The following LANCL2 variants were observed in gnomAD, a reference collection of about 807,000 sequenced individuals.
LANCL2 encodes LanC like glutathione S-transferase 2.
In LANCL2, 33 loss-of-function variants were observed where a neutral mutation model predicts 56.9. The ratio of observed to expected loss-of-function variants is 0.58; its 90% CI spans 0.44 to 0.78. LANCL2 has a LOEUF of 0.78. Among genes scored for constraint, LANCL2 ranks in the 30% least tolerant of loss-of-function variants. The probability of loss-of-function intolerance (pLI) is 0.00; values close to 1 mark genes in which losing one functional copy is unlikely to be tolerated. For synonymous variants in LANCL2, 233 were observed against 228.2 expected (o/e 1.02, Z -0.19); for missense variants, 562 against 580.2 (o/e 0.97, Z 0.32).
intron 8 of LANCL2, among the ~76,000 whole-genome samples, 160 bp from the exon 9 acceptor site, chr7:55,431,066 T>C (rs951617943): frequency 6.6e-6 from 1 of 152,230 alleles, no homozygotes; most frequent in Admixed American, 6.5e-5. Flanking sequence ...TGCCAGGTGC[T>C]AAATATAAGG....
In LANCL2 at chr7:55,417,978, C is replaced by G. The variant is rs184345945; in HGVS notation, c.1008+5889C>G. Among the ~76,000 whole-genome samples the G allele has an allele frequency of 1.8e-3, 273 of 152,150 alleles. 3 individuals are homozygous for G. The highest frequency in any genetic ancestry group is 0.011 in the East Asian group (57 of 5,164). On this transcript the variant is annotated intron_variant, in intron 6 of 8. Transcript: ENST00000254770. ...TACAGGCATGAGCCACTGTGCCTGG[C>G]CAGAACTGACATCTTAATAATGTTG...
chr7:55,365,874 C>A lies in LANCL2; in HGVS notation c.-152C>A. 5.5e-6 allele frequency: 3 copies of A among 544,510 alleles called. No homozygotes were observed. In the East Asian group the frequency reaches 1.0e-4, roughly 19 times the overall value. The allele number at this position is 544,510 out of a possible 1,614,324, so 33.7% of individuals were successfully genotyped here. On this transcript the variant is annotated 5_prime_UTR_variant, in exon 1 of 9. Coordinates refer to ENST00000254770, the MANE Select transcript of LANCL2 (RefSeq NM_018697.4). Reference sequence around the variant, plus strand: ...GAGCAGCCCGCGACGAGGCAGTGCACGCTCAGACGCCCCGCTCCTCCCGCC... The same window carrying A: ...GAGCAGCCCGCGACGAGGCAGTGCAAGCTCAGACGCCCCGCTCCTCCCGCC...
At chr7:55,366,829 G>A (rs1452118891) in intron 1 of LANCL2, among the ~76,000 whole-genome samples, 1 of 152,206 alleles carries the variant, frequency 6.6e-6, no homozygotes, top group Non-Finnish European at 1.5e-5. Flanking sequence ...AAGACACAAA[G>A]AAATGGCAAA....
chr7:55,416,514 C>T (rs1283313580), intron 6 of LANCL2, among the ~76,000 whole-genome samples: 1 of 152,178 alleles, frequency 6.6e-6, no homozygotes, highest in Non-Finnish European at 1.5e-5. Flanking sequence ...CTCGTGGACT[C>T]AAGCAATCTT....
chr7:55,407,400 A>G (rs1790420750), intron 5 of LANCL2, among the ~76,000 whole-genome samples: 1 of 152,240 alleles, frequency 6.6e-6, no homozygotes, highest in Non-Finnish European at 1.5e-5. Flanking sequence ...AGAAACAAGT[A>G]GCTCAGATAA....
intron 1 of LANCL2, among the ~76,000 whole-genome samples, chr7:55,374,394 T>C (rs1393848987): frequency 6.6e-6 from 1 of 152,240 alleles, no homozygotes; most frequent in African/African-American, 2.4e-5. Flanking sequence ...TGACTATTTT[T>C]AGCAGAATGA....
At position 55,431,560 on chromosome 7, in the gene LANCL2, GT is replaced by G. The variant is rs1379182880; in HGVS notation, c.*243del. ...CTGTAGTGTTTGCATGTTTCTTGGT[GT>G]TTGTTGTCTCCAGGTGTAAGCTGTT... On this transcript the variant is annotated 3_prime_UTR_variant, in exon 9 of 9. Transcript: ENST00000254770. 1 of 447,950 alleles carries G rather than the reference GT, an allele frequency of 2.2e-6. No homozygotes were observed. Among genetic ancestry groups the G allele is most frequent in the African/African-American group, 2.0e-5 (1 of 49,986 alleles). 27.7% of individuals were successfully genotyped at this position (447,950 alleles called of 1,614,324 possible).
At chr7:55,385,346 G>A (rs1790113314) in intron 1 of LANCL2, among the ~76,000 whole-genome samples, 1 of 152,180 alleles carries the variant, frequency 6.6e-6, no homozygotes, top group Admixed American at 6.5e-5. Flanking sequence ...TTGCAAGGAG[G>A]TGACAGGCCA....
chr7:55,428,129 G>A (rs772103402), intron 7 of LANCL2: 11 of 560,092 alleles, frequency 2.0e-5, no homozygotes, highest in Middle Eastern at 4.8e-4. Context: ...TGAGCCGTTC[G>A]GTTTTCACCT....
chr7:55,384,749 A>G (rs1790106376), intron 1 of LANCL2, among the ~76,000 whole-genome samples: 1 of 152,160 alleles, frequency 6.6e-6, no homozygotes, highest in African/African-American at 2.4e-5. Context: ...ATGGAGACAG[A>G]GGAGAATGAA....
At chr7:55,394,798 G>T (rs2128993090) in intron 2 of LANCL2, among the ~76,000 whole-genome samples, 1 of 125,072 alleles carries the variant, frequency 8.0e-6, no homozygotes, top group East Asian at 2.8e-4. Flanking sequence ...CACAGCCTCA[G>T]TGGGAACTTC....
At chr7:55,419,465 G>A (rs1358316018) in intron 6 of LANCL2, among the ~76,000 whole-genome samples, 2 of 144,700 alleles carry the variant, frequency 1.4e-5, no homozygotes, top group African/African-American at 2.6e-5. Flanking sequence ...GCAGTGGCAC[G>A]ATCTTGGCTC....
rs71031852 is a variant in LANCL2, at chr7:55,415,621, C to CTTTTTTTTTTTTTTTTTTTTTTTTTT, written c.1008+3540_1008+3541insTTTTTTTTTTTTTTTTTTTTTTTTTT. Among the ~76,000 whole-genome samples the CTTTTTTTTTTTTTTTTTTTTTTTTTT allele has an allele frequency of 4.5e-5, 5 of 111,800 alleles. 1 individual carries two copies. The highest frequency in any genetic ancestry group is 1.1e-4 in the Admixed American group (1 of 9,008). The allele number at this position is 111,800 out of a possible 152,430, so 73.3% of individuals were successfully genotyped here. On this transcript the variant is annotated intron_variant, in intron 6 of 8. Coordinates refer to ENST00000254770, the MANE Select transcript of LANCL2 (RefSeq NM_018697.4). ...CCATAGTTTATCATTGTTTTTCTTT[C>CTTTTTTTTTTTTTTTTTTTTTTTTTT]TTTTTTTTGAGACACAGTGTCGCTC...
rs150504968 is a variant in LANCL2 at position 55,411,725 on chromosome 7, T to A, written c.826-182T>A. Among the ~76,000 whole-genome samples, 122 of 152,332 alleles carry A rather than the reference T, an allele frequency of 8.0e-4. 2 individuals carry two copies. Among genetic ancestry groups the A allele is most frequent in the Admixed American group, 1.9e-3 (29 of 15,304 alleles). ...GAAGAGACAAAATACACTATAACACTAAGATTTCAAACAGTTGAAACAAGT... is the reference window on the plus strand; with the variant it reads ...GAAGAGACAAAATACACTATAACACAAAGATTTCAAACAGTTGAAACAAGT... On this transcript the variant is annotated intron_variant, in intron 5 of 8. Coordinates refer to ENST00000254770, the MANE Select transcript of LANCL2 (RefSeq NM_018697.4).
chr7:55,404,252 T>TCCTCCTCCTCCC (rs1790378714), intron 5 of LANCL2, among the ~76,000 whole-genome samples: 3 of 152,144 alleles, frequency 2.0e-5, no homozygotes, highest in African/African-American at 7.2e-5. Context: ...CTCCTCCTTC[T>TCCTCCTCCTCCC]TCTCCTCCTC....
At chr7:55,404,344 T>C (rs1790380150) in intron 5 of LANCL2, among the ~76,000 whole-genome samples, 1 of 152,220 alleles carries the variant, frequency 6.6e-6, no homozygotes, top group African/African-American at 2.4e-5. Flanking sequence ...GCTTTCTTTA[T>C]TCTGCAAAAC....
intron 3 of LANCL2, among the ~76,000 whole-genome samples, chr7:55,399,213 C>T (rs1009674777): frequency 6.6e-6 from 1 of 150,804 alleles, no homozygotes; most frequent in Non-Finnish European, 1.5e-5. Flanking sequence ...TTCAAGGCTG[C>T]GGTGAGCCAT....
rs1356557725 is a variant in LANCL2 at position 55,403,063 on chromosome 7, G to A, written c.825+1743G>A. Among the ~76,000 whole-genome samples, 21 of 152,216 alleles carry A rather than the reference G, an allele frequency of 1.4e-4. No homozygotes were observed. In the Middle Eastern group the frequency reaches 0.014, roughly 99 times the overall value. ...GCGGCCGGGCAGAGGCTGCAATCTC[G>A]GCACTTTGGGGGGCCAAGGCAGGCA... On this transcript the variant is annotated intron_variant, in intron 5 of 8. Coordinates refer to ENST00000254770, the MANE Select transcript of LANCL2 (RefSeq NM_018697.4).
At chr7:55,380,009 C>T (rs571944453) in intron 1 of LANCL2, among the ~76,000 whole-genome samples, 5 of 152,214 alleles carry the variant, frequency 3.3e-5, no homozygotes, top group Middle Eastern at 3.4e-3. Context: ...ACTCAGCTTT[C>T]GCTATAAGGG....
Sources: gnomAD v4.1 joint callset for allele counts (sites outside exome capture counted in the v4.1 genomes callset) on GRCh38, gnomAD v4.1.1 for gene constraint, MANE v1.5 for transcripts, NCBI Gene and HGNC (gene_info 2026-07-23, HGNC 2026-07-21) for gene names.